The following CADM2 variants were observed in gnomAD, a reference collection of about 807,000 sequenced individuals.
CADM2 encodes immunoglobulin superfamily member 4D.
A neutral mutation model predicts 49.8 loss-of-function variants in CADM2; 12 were observed. The observed-to-expected ratio is 0.24, with a 90% confidence interval of 0.15 to 0.39. The LOEUF (loss-of-function observed/expected upper bound fraction) is 0.39, where lower values mean the gene tolerates loss of function less well. CADM2 is among the 10% of genes least tolerant of loss of function. The pLI is 1.00. For synonymous variants in CADM2, 214 were observed against 175.4 expected (o/e 1.22, Z -1.74); for missense variants, 378 against 492.3 (o/e 0.77, Z 2.20).
chr3:85,497,443 G>A (rs2039951074), intron 1 of CADM2, among the ~76,000 whole-genome samples: 1 of 151,972 alleles, frequency 6.6e-6, no homozygotes, highest in South Asian at 2.1e-4. Context: ...ATTATAAAAT[G>A]TTATATCTAT....
At chr3:86,008,435 T>C (rs1005818998) in intron 8 of CADM2, among the ~76,000 whole-genome samples, 10 of 152,140 alleles carry the variant, frequency 6.6e-5, no homozygotes, top group Non-Finnish European at 1.2e-4. Flanking sequence ...AATTATGTAA[T>C]TTGAAAAAAT....
At chr3:85,522,602 C>A (rs1331188546) in intron 1 of CADM2, among the ~76,000 whole-genome samples, 1 of 151,982 alleles carries the variant, frequency 6.6e-6, no homozygotes, top group African/African-American at 2.4e-5. Context: ...TCCAGAGAAA[C>A]AGGTTCATAG....
At chr3:85,485,621 T>G (rs937783744) in intron 1 of CADM2, among the ~76,000 whole-genome samples, 2 of 152,064 alleles carry the variant, frequency 1.3e-5, no homozygotes. Context: ...ATCAGCAAAA[T>G]CATAGTTAAT....
chr3:85,840,015 C>T (rs1228646848), intron 3 of CADM2, among the ~76,000 whole-genome samples: 1 of 151,784 alleles, frequency 6.6e-6, no homozygotes, highest in African/African-American at 2.4e-5. Context: ...TTAAGTTTCT[C>T]TTTATTTGAT....
At chr3:85,384,251 A>C (rs2034078281) in intron 1 of CADM2, among the ~76,000 whole-genome samples, 1 of 152,190 alleles carries the variant, frequency 6.6e-6, no homozygotes, top group South Asian at 2.1e-4. Flanking sequence ...TATAGAATGC[A>C]CTGCTGAAAT....
intron 1 of CADM2, among the ~76,000 whole-genome samples, chr3:84,984,370 A>T (rs964114665): frequency 9.1e-5 from 13 of 143,086 alleles, no homozygotes; most frequent in African/African-American, 3.7e-4. Context: ...AAAAAAAAAA[A>T]AAAAAAAAAA....
intron 8 of CADM2, among the ~76,000 whole-genome samples, chr3:86,040,590 C>T (rs546510045): frequency 6.6e-6 from 1 of 152,146 alleles, no homozygotes; most frequent in East Asian, 1.9e-4. Context: ...TGTGAAAAGA[C>T]CAAATCGACG....
intron 1 of CADM2, among the ~76,000 whole-genome samples, chr3:85,021,646 G>A (rs922949292): frequency 2.0e-5 from 3 of 152,002 alleles, no homozygotes; most frequent in Non-Finnish European, 2.9e-5. Flanking sequence ...GTGGTGGTGG[G>A]TGCTTGTAAT....
chr3:85,840,053 A>G (rs1034867831), intron 3 of CADM2, among the ~76,000 whole-genome samples: 3 of 151,752 alleles, frequency 2.0e-5, no homozygotes, highest in African/African-American at 7.3e-5. Context: ...ACTCTCCTTC[A>G]GCTTTTTTCT....
At chr3:85,050,942 T>C (rs2035857640) in intron 1 of CADM2, among the ~76,000 whole-genome samples, 1 of 152,164 alleles carries the variant, frequency 6.6e-6, no homozygotes, top group Non-Finnish European at 1.5e-5. Flanking sequence ...CTTTCTTGTG[T>C]CAGTTTAGAC....
At chr3:85,480,520 T>C (rs1300289258) in intron 1 of CADM2, among the ~76,000 whole-genome samples, 1 of 151,832 alleles carries the variant, frequency 6.6e-6, no homozygotes, top group Non-Finnish European at 1.5e-5. Flanking sequence ...TCTAGAGGGT[T>C]GTTGAGATGA....
chr3:85,128,578 T>C (rs1020240988), intron 1 of CADM2, among the ~76,000 whole-genome samples: 2 of 152,154 alleles, frequency 1.3e-5, no homozygotes, highest in African/African-American at 4.8e-5. Context: ...TCTGAAAGCC[T>C]CATGACAAGT....
At chr3:85,790,070 C>T (rs190503080) in intron 2 of CADM2, among the ~76,000 whole-genome samples, 6 of 152,214 alleles carry the variant, frequency 3.9e-5, no homozygotes, top group Admixed American at 3.3e-4. Context: ...TTAAGAAAAA[C>T]TTTAGTGATA....
chr3:85,025,878 G>A (rs1027524875), intron 1 of CADM2, among the ~76,000 whole-genome samples: 3 of 151,728 alleles, frequency 2.0e-5, no homozygotes, highest in South Asian at 2.1e-4. Context: ...ATCATTGCCC[G>A]GTAGCTCTTC....
chr3:85,788,651 G>A (rs1311882772), intron 2 of CADM2, among the ~76,000 whole-genome samples: 5 of 151,100 alleles, frequency 3.3e-5, no homozygotes, highest in Non-Finnish European at 7.4e-5. Context: ...CAATAAGTCA[G>A]GAAACAATTG....
At chr3:85,650,070 G>A (rs2064998958) in intron 1 of CADM2, among the ~76,000 whole-genome samples, 1 of 151,954 alleles carries the variant, frequency 6.6e-6, no homozygotes, top group Admixed American at 6.6e-5. Flanking sequence ...TCTTTAAGGT[G>A]GTCATTTTTT....
chr3:85,941,595 A>T (rs1460846907), intron 7 of CADM2, among the ~76,000 whole-genome samples: 1 of 152,096 alleles, frequency 6.6e-6, no homozygotes, highest in Admixed American at 6.6e-5. Context: ...GCCACAGGAA[A>T]AGCCCCTTCT....
intron 1 of CADM2, among the ~76,000 whole-genome samples, chr3:85,644,654 A>G (rs765665282): frequency 2.6e-5 from 4 of 152,114 alleles, no homozygotes; most frequent in African/African-American, 9.7e-5. Flanking sequence ...TTTCACTCTC[A>G]TGGAATGACC....
chr3:85,603,035 A>G (rs959208487), intron 1 of CADM2, among the ~76,000 whole-genome samples: 1 of 151,750 alleles, frequency 6.6e-6, no homozygotes, highest in Non-Finnish European at 1.5e-5. Flanking sequence ...TGTCTTTCAT[A>G]TCTCTAATCA....
Sources: gnomAD v4.1 joint callset for allele counts (sites outside exome capture counted in the v4.1 genomes callset) on GRCh38, gnomAD v4.1.1 for gene constraint, MANE v1.5 for transcripts, NCBI Gene and HGNC (gene_info 2026-07-23, HGNC 2026-07-21) for gene names.